The following PRKCE variants were observed in gnomAD, a reference collection of about 807,000 sequenced individuals.
PRKCE encodes protein kinase C epsilon type.
Under a neutral mutation model 85.4 loss-of-function variants are expected in PRKCE, and 16 were observed. The observed-to-expected ratio is 0.19, with a 90% CI of 0.13 to 0.28. The LOEUF (loss-of-function observed/expected upper bound fraction) is 0.28. Among genes scored for constraint, PRKCE ranks in the 10% least tolerant of loss-of-function variants. The pLI is 1.00. For missense variants in PRKCE, 573 were observed against 975.2 expected, an observed-to-expected ratio of 0.59 and a Z score of 5.49; for synonymous variants, 388 against 371.5, an observed-to-expected ratio of 1.04 and a Z score of -0.51.
rs1667788393 is a variant in PRKCE at position 46,068,200 on chromosome 2, AT to A, written c.1438-18007del. On this transcript the variant is annotated intron_variant, in intron 10 of 14. Coordinates refer to ENST00000306156, the MANE Select transcript of PRKCE (RefSeq NM_005400.3). The surrounding 1 kb of genome is among the most constrained non-coding windows in gnomAD (Gnocchi z 4.3). ...CTGGTCTGTATCCAGGATGAAAAAA[AT>A]AATCTATTTTGGTGAGCCACTTGAG... Among the ~76,000 whole-genome samples the A allele has an allele frequency of 6.6e-6, 1 of 152,198 alleles. No individual in the cohort carries two copies.
At chr2:45,966,791 A>G (rs1023033283) in intron 2 of PRKCE, among the ~76,000 whole-genome samples, 1 of 152,086 alleles carries the variant, frequency 6.6e-6, no homozygotes, top group African/African-American at 2.4e-5. Flanking sequence ...TACAGTGGCA[A>G]GTAGGTAACA....
At chr2:46,021,164 A>T (rs1402190428) in intron 10 of PRKCE, among the ~76,000 whole-genome samples, 2 of 152,116 alleles carry the variant, frequency 1.3e-5, no homozygotes, top group Non-Finnish European at 2.9e-5. Flanking sequence ...TGATTTAGCG[A>T]GTGTAATGAT....
At chr2:45,781,535 G>A (rs1686187623) in intron 1 of PRKCE, among the ~76,000 whole-genome samples, 1 of 152,154 alleles carries the variant, frequency 6.6e-6, no homozygotes, top group Admixed American at 6.5e-5. Flanking sequence ...AAGTGTCAGA[G>A]GGGCTGTTCT....
intron 2 of PRKCE, among the ~76,000 whole-genome samples, chr2:45,940,808 T>A (rs1174330284): frequency 6.6e-6 from 1 of 151,900 alleles, no homozygotes; most frequent in Non-Finnish European, 1.5e-5. Context: ...CCTGTAATCC[T>A]AGCACTTTGG....
intron 11 of PRKCE, among the ~76,000 whole-genome samples, chr2:46,096,952 C>A (rs1165112005): frequency 6.6e-6 from 1 of 152,126 alleles, no homozygotes; most frequent in Non-Finnish European, 1.5e-5. Context: ...AAAAATGTCT[C>A]TGGGGTTGTT....
At chr2:45,716,033 C>T (rs926866338) in intron 1 of PRKCE, among the ~76,000 whole-genome samples, 10 of 152,200 alleles carry the variant, frequency 6.6e-5, no homozygotes, top group Non-Finnish European at 1.3e-4. Flanking sequence ...TCAGTTTTCG[C>T]TTCCAAGGTG....
chr2:46,092,813 G>T (rs1670305966), intron 11 of PRKCE, among the ~76,000 whole-genome samples: 1 of 152,172 alleles, frequency 6.6e-6, no homozygotes, highest in Non-Finnish European at 1.5e-5. Flanking sequence ...GAAAGTGTGT[G>T]CCTTAATCTC....
At chr2:46,101,037 C>T (rs757376616) in intron 11 of PRKCE, among the ~76,000 whole-genome samples, 8 of 152,068 alleles carry the variant, frequency 5.3e-5, no homozygotes, top group Non-Finnish European at 1.2e-4. Flanking sequence ...GCCTGGTTCA[C>T]TGTTGGATTT....
intron 11 of PRKCE, among the ~76,000 whole-genome samples, chr2:46,113,950 T>A (rs1672506574): frequency 6.6e-6 from 1 of 152,230 alleles, no homozygotes; most frequent in South Asian, 2.1e-4. Context: ...TTCAAGATAC[T>A]GCTAGTTATT....
chr2:45,981,611 A>G (rs1702895117), intron 5 of PRKCE, among the ~76,000 whole-genome samples: 1 of 152,360 alleles, frequency 6.6e-6, no homozygotes, highest in Non-Finnish European at 1.5e-5. Context: ...ACTGCAAGCC[A>G]GCACCTGCAC....
chr2:45,931,043 A>G (rs918328169), intron 2 of PRKCE, among the ~76,000 whole-genome samples: 2 of 152,146 alleles, frequency 1.3e-5, no homozygotes, highest in African/African-American at 4.8e-5. Context: ...TAAGGTCACT[A>G]CTGTCCCCAT....
At chr2:46,153,723 GCTT>G (rs371568347) in intron 13 of PRKCE, among the ~76,000 whole-genome samples, 177 of 151,372 alleles carry the variant, frequency 1.2e-3, no homozygotes, top group African/African-American at 3.9e-3. Context: ...ATGCAGGGCT[GCTT>G]CTTCTTCTTC....
intron 10 of PRKCE, among the ~76,000 whole-genome samples, chr2:46,036,948 C>A (rs1243451800): frequency 6.6e-6 from 1 of 152,200 alleles, no homozygotes; most frequent in Non-Finnish European, 1.5e-5. Context: ...CCTCTTCTCC[C>A]AGTCAGCTAC....
At chr2:46,117,975 T>A (rs1186848803) in intron 11 of PRKCE, among the ~76,000 whole-genome samples, 1 of 152,142 alleles carries the variant, frequency 6.6e-6, no homozygotes, top group Non-Finnish European at 1.5e-5. Flanking sequence ...GTAAAACACT[T>A]CAAAATGGCA....
chr2:45,851,289 A>G (rs1415816049), intron 2 of PRKCE, among the ~76,000 whole-genome samples: 1 of 152,274 alleles, frequency 6.6e-6, no homozygotes, highest in Non-Finnish European at 1.5e-5. Context: ...TTTCAGGAAG[A>G]CATGTGATGT....
intron 1 of PRKCE, among the ~76,000 whole-genome samples, chr2:45,744,271 A>G (rs1682841093): frequency 6.6e-6 from 1 of 152,182 alleles, no homozygotes; most frequent in South Asian, 2.1e-4. Context: ...TATTAGGACT[A>G]TCAAGTAGAG....
intron 2 of PRKCE, among the ~76,000 whole-genome samples, chr2:45,864,750 G>A (rs1483058985): frequency 1.3e-5 from 2 of 152,210 alleles, no homozygotes; most frequent in Non-Finnish European, 1.5e-5. Flanking sequence ...GTGGGAGCCC[G>A]AGGATGACTT....
intron 1 of PRKCE, among the ~76,000 whole-genome samples, chr2:45,725,893 G>A (rs540585631): frequency 1.3e-5 from 2 of 152,148 alleles, no homozygotes; most frequent in East Asian, 1.9e-4. Flanking sequence ...CATGGGAGGA[G>A]GTGAAAATTT....
chr2:45,655,343 GT>G (rs947574762), intron 1 of PRKCE, among the ~76,000 whole-genome samples: 5 of 144,754 alleles, frequency 3.5e-5, no homozygotes, highest in African/African-American at 1.0e-4. Flanking sequence ...AACGTTATAA[GT>G]TTTTTTGCAT....
Sources: allele counts gnomAD v4.1 joint callset (sites outside exome capture counted in the v4.1 genomes callset), GRCh38; gene constraint gnomAD v4.1.1; non-coding constraint Gnocchi (gnomAD v3.1); transcripts MANE v1.5; gene names NCBI Gene and HGNC (gene_info 2026-07-23, HGNC 2026-07-21).